Variants in BSN observed in about 807,000 individuals in gnomAD.
BSN encodes the protein protein bassoon.
BSN carries 57 observed loss-of-function variants against 264.8 expected under a neutral mutation model. The observed-to-expected ratio is 0.22, with a 90% CI of 0.17 to 0.27. BSN has a LOEUF of 0.27. BSN is among the 10% of genes least tolerant of loss of function. BSN has a pLI of 1.00. For synonymous variants in BSN, 2,059 were observed against 2,137.3 expected, an observed-to-expected ratio of 0.96 and a Z score of 1.01; for missense variants, 4,615 against 5,232.5, an observed-to-expected ratio of 0.88 and a Z score of 3.64.
chr3:49,578,832 C>T (rs2051868893), intron 1 of BSN, among the ~76,000 whole-genome samples: 1 of 152,160 alleles, frequency 6.6e-6, no homozygotes, highest in South Asian at 2.1e-4. Context: ...CTACTATCCA[C>T]CTCTCTAGAT....
intron 1 of BSN, among the ~76,000 whole-genome samples, chr3:49,607,115 T>G (rs2052159453): frequency 6.6e-6 from 1 of 152,110 alleles, no homozygotes; most frequent in Non-Finnish European, 1.5e-5. Context: ...CTCTCCTCTT[T>G]TGTCAGACAC....
intron 1 of BSN, among the ~76,000 whole-genome samples, chr3:49,587,986 A>G (rs1222289361): frequency 2.0e-5 from 3 of 147,960 alleles, no homozygotes; most frequent in Non-Finnish European, 3.0e-5. Context: ...CAGTGGCGCA[A>G]TCTCGGCTAA....
chr3:49,664,503 T>C lies in BSN; in HGVS notation c.11689T>C (p.Ser3897Pro). The C allele has an allele frequency of 6.2e-7, 1 of 1,612,440 alleles. No individual in the cohort carries two copies. Among genetic ancestry groups the C allele is most frequent in the Non-Finnish European group, 8.5e-7 (1 of 1,179,406 alleles). ...QPGADGESVF[S>P]KILPGGAAEQ... ...AGGTGCCGATGGGGAGAGCGTGTTCTCCAAGATCCTCCCTGGCGGGGCAGC... is the reference window on the plus strand; with the variant it reads ...AGGTGCCGATGGGGAGAGCGTGTTCCCCAAGATCCTCCCTGGCGGGGCAGC... The change falls in exon 9 of 12, where the codon TCC becomes CCC. Residue 3897 changes from serine to proline, a missense_variant. By Grantham distance (74) the Ser-to-Pro change is moderately conservative (BLOSUM62 -1). Coordinates refer to ENST00000296452, the MANE Select transcript of BSN (RefSeq NM_003458.4).
At chr3:49,646,308 C>T (rs773849312) in intron 3 of BSN, among the ~76,000 whole-genome samples, 6 of 152,202 alleles carry the variant, frequency 3.9e-5, no homozygotes, top group East Asian at 3.9e-4. Context: ...TTTTAATTGA[C>T]GTTCAGTTCA....
At chr3:49,593,837 C>T (rs1167709870) in intron 1 of BSN, among the ~76,000 whole-genome samples, 21 of 134,790 alleles carry the variant, frequency 1.6e-4, no homozygotes, top group African/African-American at 5.6e-4. Context: ...GAGTCTCGCT[C>T]TATCGCCCAG....
At chr3:49,633,007 T>C (rs751527603) in intron 2 of BSN, among the ~76,000 whole-genome samples, 2 of 152,104 alleles carry the variant, frequency 1.3e-5, no homozygotes, top group Non-Finnish European at 2.9e-5. Context: ...AATAACTCCC[T>C]AAAAGATACT....
rs180734573 is a variant in BSN at position 49,638,577 on chromosome 3, G to C, written c.634-3691G>C. On this transcript the variant is annotated intron_variant, in intron 2 of 11. Transcript: ENST00000296452. This position sits in a 1 kb window ranked among gnomAD's most constrained non-coding sequence, Gnocchi z 4.3. Reference sequence around the variant, plus strand: ...GGGGCTGTGGGGAGGGTGCGGTCAAGGTTCCTTACCGTCTGGAAGAGGCTG... The same window carrying C: ...GGGGCTGTGGGGAGGGTGCGGTCAACGTTCCTTACCGTCTGGAAGAGGCTG... 4.6e-4 allele frequency among the ~76,000 whole-genome samples: 70 copies of C among 152,328 alleles called. 1 individual carries two copies. Among genetic ancestry groups the C allele is most frequent in the Admixed American group, 4.5e-3 (69 of 15,302 alleles).
At chr3:49,630,434 T>A (rs2052376377) in intron 2 of BSN, among the ~76,000 whole-genome samples, 1 of 152,198 alleles carries the variant, frequency 6.6e-6, no homozygotes, top group Non-Finnish European at 1.5e-5. Flanking sequence ...TCCAAGTCAA[T>A]AGAGAAATAC....
intron 1 of BSN, among the ~76,000 whole-genome samples, chr3:49,593,348 C>T (rs1490330392): frequency 3.3e-5 from 5 of 152,126 alleles, no homozygotes; most frequent in African/African-American, 1.2e-4. Context: ...TACAAATAAA[C>T]CTTTTATGAA....
chr3:49,654,374 C>G lies in BSN; in HGVS notation c.4818C>G (p.Pro1606=). The change falls in exon 5 of 12, where the codon CCC becomes CCG. Residue 1606 remains proline, a synonymous_variant. Coordinates refer to ENST00000296452, the MANE Select transcript of BSN (RefSeq NM_003458.4). This position sits in a 1 kb window ranked among gnomAD's most constrained non-coding sequence, Gnocchi z 4.1. ...CACCTCCGAGTGTGTCTCAGCTGCCCCCAGAGCCACCTGGGCCACCTGGCT... is the reference window on the plus strand; with the variant it reads ...CACCTCCGAGTGTGTCTCAGCTGCCGCCAGAGCCACCTGGGCCACCTGGCT... ...QTTPPSVSQL[P]PEPPGPPGFP... is the part of the protein sequence containing the mutation. 1 of 1,608,920 alleles carries G rather than the reference C, an allele frequency of 6.2e-7. No homozygotes were observed. The highest frequency in any genetic ancestry group is 8.5e-7 in the Non-Finnish European group (1 of 1,178,052).
At chr3:49,567,660 C>T (rs1271797131) in intron 1 of BSN, among the ~76,000 whole-genome samples, 1 of 152,234 alleles carries the variant, frequency 6.6e-6, no homozygotes, top group Non-Finnish European at 1.5e-5. Context: ...TCAAGCAATT[C>T]ATGGTTAAGC....
intron 1 of BSN, among the ~76,000 whole-genome samples, chr3:49,592,606 C>A (rs931577512): frequency 6.6e-6 from 1 of 151,056 alleles, no homozygotes; most frequent in South Asian, 2.1e-4. Flanking sequence ...AAAAAATTAG[C>A]CGGGCGTGGT....
rs1277223748 is a variant in BSN, at chr3:49,650,783, C to A, written c.1690C>A (p.Pro564Thr). ...KQKGPQGLGQ[P>T]SGPLPAKASP... ...GAAAGGGCCACAGGGGCTGGGCCAG[C>A]CTTCAGGCCCCCTGCCTGCCAAGGC... The change falls in exon 4 of 12, where the codon CCT (proline) becomes ACT (threonine). Residue 564 changes from proline (P) to threonine (T), a missense_variant. Pro to Thr is a conservative substitution (Grantham distance 38). This residue lies in a region of BSN where 1,197 missense variants were observed against 1,348.0 expected (regional missense o/e 0.89). Transcript: ENST00000296452. 6.2e-7 allele frequency: 1 copy of A among 1,613,694 alleles called. No homozygotes were observed. The highest frequency in any genetic ancestry group is 8.5e-7 in the Non-Finnish European group (1 of 1,179,942).
chr3:49,662,121 T>C lies in BSN; in HGVS notation c.10276T>C (p.Ser3426Pro). ...VYEQQKYYGM[S>P]SRDAVEDDRI... ...TGAGCAGCAAAAATACTATGGGATGTCCAGCCGGGACGCAGTGGAGGACGA... is the reference window on the plus strand; with the variant it reads ...TGAGCAGCAAAAATACTATGGGATGCCCAGCCGGGACGCAGTGGAGGACGA... The change falls in exon 6 of 12, where the codon TCC becomes CCC. Residue 3426 changes from serine (S) to proline (P), a missense_variant. This residue lies in a region of BSN where 3,415 missense variants were observed against 3,866.4 expected (regional missense o/e 0.88). Coordinates refer to ENST00000296452, the MANE Select transcript of BSN (RefSeq NM_003458.4). 3 of 1,613,472 alleles carry C rather than the reference T, an allele frequency of 1.9e-6. No homozygotes were observed. Among genetic ancestry groups the C allele is most frequent in the South Asian group, 1.1e-5 (1 of 91,080 alleles).
chr3:49,574,494 C>T (rs985743282), intron 1 of BSN, among the ~76,000 whole-genome samples: 14 of 151,836 alleles, frequency 9.2e-5, no homozygotes, highest in African/African-American at 2.7e-4. Context: ...AGTGCAATGG[C>T]GTGGTCTCGG....
chr3:49,622,919 G>A (rs2052316366), intron 1 of BSN, among the ~76,000 whole-genome samples: 1 of 152,170 alleles, frequency 6.6e-6, no homozygotes, highest in Admixed American at 6.5e-5. Context: ...CAATTGGCGG[G>A]TCTGTGACTG....
intron 11 of BSN, among the ~76,000 whole-genome samples, chr3:49,666,398 G>C (rs562748639): frequency 6.6e-6 from 1 of 152,236 alleles, no homozygotes; most frequent in Non-Finnish European, 1.5e-5. Flanking sequence ...TATGTGCCAG[G>C]CACTCTTCCA....
At position 49,664,852 on chromosome 3, in the gene BSN, T is replaced by C; in HGVS notation, c.*13T>C. The C allele has an allele frequency of 6.2e-7, 1 of 1,603,936 alleles. No homozygotes were observed. Among genetic ancestry groups the C allele is most frequent in the Non-Finnish European group, 8.5e-7 (1 of 1,177,870 alleles). ...CTCATTCTGGTGACCATGCCCAGCA[T>C]GGTGAGTACAAGCAGCCTGTACCTT... On this transcript the variant is annotated splice_region_variant and 3_prime_UTR_variant, in exon 10 of 12. Transcript: ENST00000296452.
chr3:49,575,836 G>T (rs1033621049), intron 1 of BSN, among the ~76,000 whole-genome samples: 4 of 151,232 alleles, frequency 2.6e-5, no homozygotes, highest in Non-Finnish European at 4.4e-5. Context: ...ACTTTTCTGG[G>T]CATATTTCTA....
Sources: allele counts gnomAD v4.1 joint callset (sites outside exome capture counted in the v4.1 genomes callset), GRCh38; gene constraint gnomAD v4.1.1; regional missense constraint gnomAD v4.1.1; non-coding constraint Gnocchi (gnomAD v3.1); transcripts MANE v1.5; gene names NCBI Gene and HGNC (gene_info 2026-07-23, HGNC 2026-07-21).